Variants in GIPR observed in about 807,000 individuals in gnomAD.
GIPR encodes the protein GIP-R.
A neutral mutation model predicts 62.2 loss-of-function variants in GIPR; 74 were observed. The observed-to-expected ratio is 1.19, with a 90% CI of 0.99 to 1.44. The LOEUF is 1.44. Among genes scored for constraint, GIPR ranks in the 40% most tolerant of loss-of-function variants. The probability of loss-of-function intolerance (pLI) is 0.00; values close to 1 mark genes in which losing one functional copy is unlikely to be tolerated. For missense variants in GIPR, 664 were observed against 611.8 expected, an observed-to-expected ratio of 1.09 and a Z score of -0.90; for synonymous variants, 256 against 262.2, an observed-to-expected ratio of 0.98 and a Z score of 0.23.
intron 4 of GIPR, among the ~76,000 whole-genome samples, chr19:45,671,788 A>T (rs35560038): frequency 0.24 from 36,173 of 147,918 alleles, 5,322 homozygotes; most frequent in East Asian, 0.48. Flanking sequence ...CTTTTTTTTT[A>T]TATATATATT....
Position 45,669,472 on chromosome 19 carries a change from T to A in GIPR, c.-44-5T>A. The A allele has an allele frequency of 6.5e-7, 1 of 1,546,470 alleles. No homozygotes were observed. The highest frequency in any genetic ancestry group is 1.4e-5 in the African/African-American group (1 of 73,454). On this transcript the variant is annotated splice_polypyrimidine_tract_variant and splice_region_variant and intron_variant, in intron 1 of 13. Coordinates refer to ENST00000590918, the MANE Select transcript of GIPR (RefSeq NM_000164.4). ...AGGTGCTGACCTTGCCCTGGGACCC[T>A]CCAGGCCTGATCGCCCCTGCACGAA...
chr19:45,670,812 G>A (rs943664891), intron 3 of GIPR, 78 bp downstream of exon 3: 53 of 854,114 alleles, frequency 6.2e-5, no homozygotes, highest in Non-Finnish European at 8.4e-5. Context: ...TTGGGCTGAC[G>A]GGCGGGGAAG....
chr19:45,674,921 A>C, intron 7 of GIPR, 95 bp downstream of exon 7: 4 of 1,214,892 alleles, frequency 3.3e-6, no homozygotes, highest in South Asian at 1.2e-5. Context: ...TACACTCTCC[A>C]CAGTTTATCT....
intron 2 of GIPR, among the ~76,000 whole-genome samples, chr19:45,669,871 C>T (rs973066479): frequency 6.6e-6 from 1 of 150,622 alleles, no homozygotes; most frequent in Non-Finnish European, 1.5e-5. Flanking sequence ...ATCGCTTGAG[C>T]CCGGGAGGCA....
intron 5 of GIPR, among the ~76,000 whole-genome samples, chr19:45,673,789 T>TG (rs1050730693): frequency 4.7e-5 from 7 of 149,624 alleles, no homozygotes; most frequent in African/African-American, 1.2e-4. Context: ...GCTTGGGCCC[T>TG]GGGGGGCGAG....
Position 45,670,746 on chromosome 19 carries a change from A to G in GIPR, c.172+12A>G. On this transcript the variant is annotated intron_variant, in intron 3 of 13. Coordinates refer to ENST00000590918, the MANE Select transcript of GIPR (RefSeq NM_000164.4). ...GGAACCGCCTTCAGGTGTGACCAGG[A>G]GGGCTGGGGACGCGGGGAGGACCTG... 5.7e-6 allele frequency: 8 copies of G among 1,398,694 alleles called. No individual in the cohort carries two copies. The highest frequency in any genetic ancestry group is 2.6e-5 in the East Asian group (1 of 38,210). The allele number at this position is 1,398,694 out of a possible 1,614,324, so 86.6% of individuals were successfully genotyped here.
At position 45,677,961 on chromosome 19, in the gene GIPR, C is replaced by G; in HGVS notation, c.980C>G (p.Thr327Arg). Reference protein sequence around the residue: ...ILGILLSKLRTRQMRCRDYRL... With the variant: ...ILGILLSKLRRRQMRCRDYRL... Reference sequence around the variant, plus strand: ...GGCATTCTCCTGTCCAAGCTGAGGACACGGCAAATGCGCTGCCGGGATTAC... The same window carrying G: ...GGCATTCTCCTGTCCAAGCTGAGGAGACGGCAAATGCGCTGCCGGGATTAC... The change falls in exon 11 of 14, where the codon ACA (threonine) becomes AGA (arginine). Residue 327 changes from threonine (T) to arginine (R), a missense_variant. Coordinates refer to ENST00000590918, the MANE Select transcript of GIPR (RefSeq NM_000164.4). 1 of 1,614,048 alleles carries G rather than the reference C, an allele frequency of 6.2e-7. No homozygotes were observed. The highest frequency in any genetic ancestry group is 8.5e-7 in the Non-Finnish European group (1 of 1,180,028).
chr19:45,679,305 C>A (rs1386142913), intron 12 of GIPR, among the ~76,000 whole-genome samples: 1 of 151,882 alleles, frequency 6.6e-6, no homozygotes, highest in African/African-American at 2.4e-5. Context: ...TATGGTGAAA[C>A]CCTGTCTCTA....
Position 45,677,931 on chromosome 19 carries a change from T to G in GIPR, c.950T>G (p.Ile317Ser). 1 of 1,614,054 alleles carries G rather than the reference T, an allele frequency of 6.2e-7. No individual in the cohort carries two copies. The highest frequency in any genetic ancestry group is 8.5e-7 in the Non-Finnish European group (1 of 1,179,996). Reference sequence around the variant, plus strand: ...ATTAATTTCCTCATTTTTATCCGCATTCTTGGCATTCTCCTGTCCAAGCTG... The same window carrying G: ...ATTAATTTCCTCATTTTTATCCGCAGTCTTGGCATTCTCCTGTCCAAGCTG... ...ILINFLIFIR[I>S]LGILLSKLRT... Residue 317 changes from isoleucine to serine, a missense_variant, in exon 11 of 14, where the codon ATT becomes AGT. Transcript: ENST00000590918.
chr19:45,678,152 G>T lies in GIPR; in HGVS notation c.1078G>T (p.Val360Leu). Residue 360 changes from valine to leucine, a missense_variant, in exon 12 of 14, where the codon GTG becomes TTG. Val to Leu is a conservative substitution (Grantham distance 32, BLOSUM62 1). Coordinates refer to ENST00000590918, the MANE Select transcript of GIPR (RefSeq NM_000164.4). ...LGVHEVVFAP[V>L]TEEQARGALR... ...TGTCCACGAGGTGGTGTTTGCTCCC[G>T]TGACAGAGGAACAGGCCCGGGGCGC... 1 of 1,610,312 alleles carries T rather than the reference G, an allele frequency of 6.2e-7. No homozygotes were observed. The highest frequency in any genetic ancestry group is 8.5e-7 in the Non-Finnish European group (1 of 1,178,894).
Position 45,669,903 on chromosome 19 carries a change from C to G in GIPR, c.72+311C>G, listed in dbSNP as rs1385900454. Among the ~76,000 whole-genome samples, 4 of 148,582 alleles carry G rather than the reference C, an allele frequency of 2.7e-5. No homozygotes were observed. The East Asian group carries it at 8.5e-4, about 32-fold the overall frequency. ...GGCAGAGGTTGCGGTGAGCCGAGATCGCGCCACTGCACTCTAACTTGGGTG... is the reference window on the plus strand; with the variant it reads ...GGCAGAGGTTGCGGTGAGCCGAGATGGCGCCACTGCACTCTAACTTGGGTG... On this transcript the variant is annotated intron_variant, in intron 2 of 13. Transcript: ENST00000590918.
chr19:45,678,061 A>G (rs1441954635), intron 11 of GIPR, 27 bp from the exon 12 acceptor site: 2 of 1,611,742 alleles, frequency 1.2e-6, no homozygotes, highest in East Asian at 2.2e-5. Flanking sequence ...GGGCTGCGGG[A>G]TCACTGCTGC....
chr19:45,681,571 C>T (rs1327997463), intron 12 of GIPR, 33 bp from the exon 13 acceptor site: 1 of 1,605,600 alleles, frequency 6.2e-7, no homozygotes, highest in East Asian at 2.2e-5. Flanking sequence ...CTGCCCCCAC[C>T]AGCGATGTAA....
In GIPR at chr19:45,677,720, C is replaced by T. The variant is rs745407393; in HGVS notation, c.865C>T (p.Arg289Cys). 1.9e-6 allele frequency: 3 copies of T among 1,612,182 alleles called. No homozygotes were observed. The highest frequency in any genetic ancestry group is 2.2e-5 in the South Asian group (2 of 91,056). Reference sequence around the variant, plus strand: ...CTCCGCCTTCCCCAGGTGCTGGGAGCGCAACGAAGTCAAGGCCATTTGGTG... The same window carrying T: ...CTCCGCCTTCCCCAGGTGCTGGGAGTGCAACGAAGTCAAGGCCATTTGGTG... ...YLYENTQCWE[R>C]NEVKAIWWII... The change falls in exon 10 of 14, where the codon CGC becomes TGC. Residue 289 changes from arginine (R) to cysteine (C), a missense_variant. Coordinates refer to ENST00000590918, the MANE Select transcript of GIPR (RefSeq NM_000164.4).
At chr19:45,669,637 T>A in intron 2 of GIPR, 45 bp downstream of exon 2, 1 of 1,544,228 alleles carries the variant, frequency 6.5e-7, no homozygotes. Flanking sequence ...TGGAGGGAGG[T>A]ATGGGGACGG....
At chr19:45,676,364 T>G (rs1242218137) in intron 7 of GIPR, among the ~76,000 whole-genome samples, 2 of 151,680 alleles carry the variant, frequency 1.3e-5, no homozygotes, top group African/African-American at 4.8e-5. Context: ...AGATACCAAT[T>G]ATTTTTTGTT....
rs564936619 is a variant in GIPR at position 45,670,664 on chromosome 19, G to A, written c.102G>A (p.Glu34=). ...ETGSKGQTAG[E]LYQRWERYRR... is the part of the protein sequence containing the mutation. ...GCTCTAAGGGGCAGACGGCGGGGGA[G>A]CTGTACCAGCGCTGGGAACGGTACC... The change falls in exon 3 of 14, where the codon GAG becomes GAA. Residue 34 remains glutamate (E), a synonymous_variant. Coordinates refer to ENST00000590918, the MANE Select transcript of GIPR (RefSeq NM_000164.4). 19 of 1,613,566 alleles carry A rather than the reference G, an allele frequency of 1.2e-5. No individual in the cohort carries two copies. In the African/African-American group the frequency reaches 1.9e-4, roughly 16 times the overall value.
rs369058974 is a variant in GIPR, at chr19:45,677,332, C to T, written c.803C>T (p.Ala268Val). ...YYLLLGWGAP[A>V]LFVIPWVIVR... Reference sequence around the variant, plus strand: ...GTCGGGGTCTGCACAGGGGCCCCCGCGCTTTTCGTCATTCCCTGGGTGATC... The same window carrying T: ...GTCGGGGTCTGCACAGGGGCCCCCGTGCTTTTCGTCATTCCCTGGGTGATC... The change falls in exon 9 of 14, where the codon GCG (alanine) becomes GTG (valine). Residue 268 changes from alanine to valine, a missense_variant. By Grantham distance (64) the Ala-to-Val change is moderately conservative. Coordinates refer to ENST00000590918, the MANE Select transcript of GIPR (RefSeq NM_000164.4). 118 of 1,592,596 alleles carry T rather than the reference C, an allele frequency of 7.4e-5. No individual in the cohort carries two copies. The African/African-American group carries it at 1.4e-3, about 18-fold the overall frequency.
Position 45,681,657 on chromosome 19 carries a change from C to G in GIPR, c.1194+12C>G. ...TCATCAACAAGGAGGTAGGCAGAGACCCGGCCGCCGCCCCCGCCCTCTGGC... is the reference window on the plus strand; with the variant it reads ...TCATCAACAAGGAGGTAGGCAGAGAGCCGGCCGCCGCCCCCGCCCTCTGGC... On this transcript the variant is annotated intron_variant, in intron 13 of 13. Coordinates refer to ENST00000590918, the MANE Select transcript of GIPR (RefSeq NM_000164.4). 6.2e-7 allele frequency: 1 copy of G among 1,613,532 alleles called. No individual in the cohort carries two copies. Among genetic ancestry groups the G allele is most frequent in the Non-Finnish European group, 8.5e-7 (1 of 1,179,720 alleles).
Sources: gnomAD v4.1 joint callset for allele counts (sites outside exome capture counted in the v4.1 genomes callset) on GRCh38, gnomAD v4.1.1 for gene constraint, MANE v1.5 for transcripts, NCBI Gene and HGNC (gene_info 2026-07-23, HGNC 2026-07-21) for gene names.